ARHGEF3: variants seen among roughly 807,000 people sequenced by gnomAD.
ARHGEF3 encodes the protein Rho guanine nucleotide exchange factor 3.
In ARHGEF3, 28 loss-of-function variants were observed where a neutral mutation model predicts 63.2. The ratio of observed to expected loss-of-function variants is 0.44; its 90% CI spans 0.33 to 0.61. The LOEUF (loss-of-function observed/expected upper bound fraction) is 0.61, where lower values mean the gene tolerates loss of function less well. Among genes scored for constraint, ARHGEF3 ranks in the 20% least tolerant of loss-of-function variants. ARHGEF3 has a pLI of 0.03. For synonymous variants in ARHGEF3, 266 were observed against 254.2 expected (o/e 1.05, Z -0.44); for missense variants, 533 against 659.3 (o/e 0.81, Z 2.10).
chr3:56,770,404 T>C lies in ARHGEF3; in HGVS notation c.204+3305A>G, dbSNP rs147855509. Among the ~76,000 whole-genome samples the C allele has an allele frequency of 6.3e-4, 91 of 145,028 alleles. 1 individual carries two copies. In the East Asian group the frequency reaches 0.017, roughly 27 times the overall value. The stretch of plus-strand genomic sequence containing the variant: ...CAGCCTGGGTGACAGAGCAAGACTC[T>C]GTCTCGAAAATTAAATTAAATTAAA... On this transcript the variant is annotated intron_variant, in intron 2 of 9. Coordinates refer to ENST00000296315, the MANE Select transcript of ARHGEF3 (RefSeq NM_019555.3).
chr3:56,872,887 A>C (rs2040475709), intron 4 of ARHGEF3, among the ~76,000 whole-genome samples: 1 of 152,238 alleles, frequency 6.6e-6, no homozygotes, highest in Non-Finnish European at 1.5e-5. Context: ...CTTGAACTTA[A>C]CAATAAAGTT....
chr3:57,002,540 T>C (rs1454445117), intron 2 of ARHGEF3, among the ~76,000 whole-genome samples: 1 of 84,506 alleles, frequency 1.2e-5, no homozygotes, highest in Non-Finnish European at 2.7e-5. Context: ...ATATATGTAA[T>C]ATATGTTATG....
intron 1 of ARHGEF3, among the ~76,000 whole-genome samples, chr3:56,799,091 AT>A (rs1231573836): frequency 6.6e-6 from 1 of 152,242 alleles, no homozygotes; most frequent in Non-Finnish European, 1.5e-5. Context: ...ACTACCACAA[AT>A]AAAAAATTAC....
chr3:56,985,150 G>A (rs1416095653), intron 2 of ARHGEF3, among the ~76,000 whole-genome samples: 1 of 152,230 alleles, frequency 6.6e-6, no homozygotes, highest in Non-Finnish European at 1.5e-5. Flanking sequence ...ATGCAATGGT[G>A]CAATCCTAGC....
At chr3:57,074,159 C>T (rs1560180746) in intron 1 of ARHGEF3, 1 of 1,614,162 alleles carries the variant, frequency 6.2e-7, no homozygotes, top group Non-Finnish European at 8.5e-7. Context: ...ATGCCGAGCC[C>T]AGTAGCACAG....
At chr3:56,880,342 G>A (rs1324826087) in intron 4 of ARHGEF3, among the ~76,000 whole-genome samples, 1 of 152,190 alleles carries the variant, frequency 6.6e-6, no homozygotes, top group East Asian at 1.9e-4. Flanking sequence ...GCTGCACAAG[G>A]AGAAAAGAAG....
intron 3 of ARHGEF3, among the ~76,000 whole-genome samples, chr3:56,950,033 C>T (rs556353248): frequency 7.2e-5 from 11 of 151,938 alleles, no homozygotes; most frequent in South Asian, 6.2e-4. Flanking sequence ...AAAGGGGGAA[C>T]GATTTCCTAT....
At chr3:56,998,755 C>T (rs1347606825) in intron 2 of ARHGEF3, among the ~76,000 whole-genome samples, 8 of 152,208 alleles carry the variant, frequency 5.3e-5, no homozygotes, top group African/African-American at 1.7e-4. Flanking sequence ...TTTCCCCCTA[C>T]TGTGGAATTG....
chr3:57,053,909 C>T (rs780966667), intron 1 of ARHGEF3, among the ~76,000 whole-genome samples: 16 of 152,132 alleles, frequency 1.1e-4, no homozygotes, highest in Admixed American at 3.3e-4. Context: ...TGGCTGCTGA[C>T]GGGCATTTGG....
At chr3:56,762,524 CA>C (rs1175880253) in intron 2 of ARHGEF3, among the ~76,000 whole-genome samples, 2 of 152,108 alleles carry the variant, frequency 1.3e-5, no homozygotes, top group Non-Finnish European at 2.9e-5. Context: ...TTACACGTGT[CA>C]GAGGAAATGT....
At chr3:56,967,902 ATATAT>A (rs1314810839) in intron 2 of ARHGEF3, among the ~76,000 whole-genome samples, 26 of 74,554 alleles carry the variant, frequency 3.5e-4, no homozygotes, top group Non-Finnish European at 5.0e-4. Flanking sequence ...TATATAAATA[ATATAT>A]TATATATAAT....
At chr3:56,831,828 C>T (rs1578628431) in intron 4 of ARHGEF3, among the ~76,000 whole-genome samples, 1 of 152,334 alleles carries the variant, frequency 6.6e-6, no homozygotes, top group East Asian at 1.9e-4. Flanking sequence ...ACAGAAATGG[C>T]TCTCTTCCAT....
At chr3:56,791,157 C>A (rs573208338) in intron 1 of ARHGEF3, among the ~76,000 whole-genome samples, 1 of 152,220 alleles carries the variant, frequency 6.6e-6, no homozygotes, top group East Asian at 1.9e-4. Context: ...AATCCCAGCA[C>A]CTTGGGAGGC....
At chr3:57,035,008 G>C in intron 2 of ARHGEF3, 4 of 1,216,116 alleles carry the variant, frequency 3.3e-6, no homozygotes, top group Non-Finnish European at 3.4e-6. Context: ...TAGGCTTAAA[G>C]GAAGCCCTCC....
At chr3:56,974,538 T>G (rs951193562) in intron 2 of ARHGEF3, among the ~76,000 whole-genome samples, 1 of 152,188 alleles carries the variant, frequency 6.6e-6, no homozygotes, top group Admixed American at 6.5e-5. Flanking sequence ...AGGGATGTTT[T>G]GTAAGAGGTC....
intron 4 of ARHGEF3, among the ~76,000 whole-genome samples, chr3:56,880,259 T>A (rs1474789153): frequency 2.0e-5 from 3 of 152,186 alleles, no homozygotes; most frequent in Non-Finnish European, 4.4e-5. Context: ...AGATTTATCT[T>A]CTATACAAGT....
chr3:56,752,688 G>A (rs1023251221), intron 4 of ARHGEF3, among the ~76,000 whole-genome samples: 1 of 152,226 alleles, frequency 6.6e-6, no homozygotes, highest in African/African-American at 2.4e-5. Context: ...GGAAAGGGGA[G>A]TTAGACACCA....
At chr3:56,810,087 G>C (rs1352696868) in intron 4 of ARHGEF3, among the ~76,000 whole-genome samples, 1 of 151,972 alleles carries the variant, frequency 6.6e-6, no homozygotes, top group Admixed American at 6.6e-5. Flanking sequence ...CTTTATGTGG[G>C]TTTCGTATAG....
intron 3 of ARHGEF3, among the ~76,000 whole-genome samples, chr3:56,754,422 A>G (rs986021149): frequency 1.3e-5 from 2 of 152,156 alleles, no homozygotes; most frequent in African/African-American, 2.4e-5. Flanking sequence ...ACTGAGGACA[A>G]AGCAGGTGGA....
Sources: gnomAD v4.1 joint callset for allele counts (sites outside exome capture counted in the v4.1 genomes callset) on GRCh38, gnomAD v4.1.1 for gene constraint, MANE v1.5 for transcripts, NCBI Gene and HGNC (gene_info 2026-07-23, HGNC 2026-07-21) for gene names.